NUP93: variants seen among roughly 807,000 people sequenced by gnomAD.
NUP93 encodes nuclear pore complex protein Nup93.
Under a neutral mutation model 107.8 loss-of-function variants are expected in NUP93, and 55 were observed. The ratio of observed to expected loss-of-function variants is 0.51; its 90% CI spans 0.41 to 0.64. The LOEUF is 0.64. Among genes scored for constraint, NUP93 ranks in the 30% least tolerant of loss-of-function variants. NUP93 has a pLI of 0.00. For missense variants in NUP93, 937 were observed against 1,044.7 expected (o/e 0.90, Z 1.42); for synonymous variants, 390 against 397.5 (o/e 0.98, Z 0.22).
intron 19 of NUP93, chr16:56,839,319 C>G: frequency 3.7e-6 from 1 of 273,596 alleles, no homozygotes; most frequent in Non-Finnish European, 6.6e-6. Flanking sequence ...AATTTGCAAT[C>G]TCAGAATTTT....
chr16:56,799,568 C>G (rs1283135267), intron 4 of NUP93, among the ~76,000 whole-genome samples: 3 of 152,148 alleles, frequency 2.0e-5, no homozygotes, highest in Non-Finnish European at 2.9e-5. Flanking sequence ...GCAGCTTTCC[C>G]CAGGAAGGAG....
At chr16:56,810,843 A>G (rs1963300625) in intron 5 of NUP93, among the ~76,000 whole-genome samples, 2 of 152,240 alleles carry the variant, frequency 1.3e-5, no homozygotes, top group Non-Finnish European at 2.9e-5. Flanking sequence ...CACTATCTTG[A>G]CATCCAATAT....
At chr16:56,750,607 A>T (rs1306998527) in intron 2 of NUP93, among the ~76,000 whole-genome samples, 1 of 152,214 alleles carries the variant, frequency 6.6e-6, no homozygotes, top group African/African-American at 2.4e-5. Context: ...TATGCTTAAC[A>T]TATATAAAAA....
chr16:56,825,077 AAGAC>A (rs1963629126), intron 8 of NUP93, among the ~76,000 whole-genome samples: 1 of 150,236 alleles, frequency 6.7e-6, no homozygotes, highest in African/African-American at 2.5e-5. Flanking sequence ...TTTTTTTTGT[AAGAC>A]AGTCTGGCTC....
At chr16:56,812,554 A>G (rs993759339) in intron 5 of NUP93, among the ~76,000 whole-genome samples, 1 of 152,114 alleles carries the variant, frequency 6.6e-6, no homozygotes, top group Non-Finnish European at 1.5e-5. Flanking sequence ...TGTGTTAGCC[A>G]GGATGGTCTG....
intron 1 of NUP93, among the ~76,000 whole-genome samples, chr16:56,746,162 G>A (rs1403554271): frequency 3.3e-5 from 5 of 152,138 alleles, no homozygotes; most frequent in African/African-American, 1.2e-4. Flanking sequence ...AATGGGCGGA[G>A]GGGTGGGGTG....
At chr16:56,832,745 C>CT (rs1176492938) in intron 12 of NUP93, among the ~76,000 whole-genome samples, 1 of 152,086 alleles carries the variant, frequency 6.6e-6, no homozygotes, top group African/African-American at 2.4e-5. Flanking sequence ...AGCCTTTCTT[C>CT]TTTTTTCCCG....
intron 1 of NUP93, among the ~76,000 whole-genome samples, chr16:56,734,520 T>C (rs1597098017): frequency 6.6e-6 from 1 of 151,810 alleles, no homozygotes. Flanking sequence ...CTATTGAAGG[T>C]TTGAGCCCCT....
At chr16:56,772,733 C>T (rs1015622757) in intron 3 of NUP93, among the ~76,000 whole-genome samples, 4 of 152,350 alleles carry the variant, frequency 2.6e-5, no homozygotes, top group African/African-American at 9.6e-5. Flanking sequence ...CCAGTTTGCT[C>T]ATGTTCTGCT....
intron 3 of NUP93, among the ~76,000 whole-genome samples, chr16:56,769,869 C>T (rs1362331237): frequency 6.6e-6 from 1 of 152,126 alleles, no homozygotes; most frequent in Admixed American, 6.5e-5. Context: ...GCCATTAAGC[C>T]CTGGCAGTGT....
chr16:56,805,394 A>G (rs1260605389), intron 4 of NUP93, 110 bp from the exon 5 acceptor site: 3 of 1,160,720 alleles, frequency 2.6e-6, no homozygotes, highest in African/African-American at 1.5e-5. Flanking sequence ...CTTTTTCTCT[A>G]CCTATGGAGA....
Position 56,740,524 on chromosome 16 carries a change from C to G in NUP93, c.-14-7710C>G, listed in dbSNP as rs1436962502. ...AGATGGGATGGCGGCCGGGCGGAGA[C>G]GCTCCTCACTTTCCAGACTGGGCAG... On this transcript the variant is annotated intron_variant, in intron 1 of 21. Transcript: ENST00000308159. 1.7e-4 allele frequency among the ~76,000 whole-genome samples: 25 copies of G among 144,718 alleles called. No individual in the cohort carries two copies. In the East Asian group the frequency reaches 4.7e-3, roughly 27 times the overall value. 94.9% of individuals were successfully genotyped at this position (144,718 alleles called of 152,430 possible).
At chr16:56,805,045 G>A (rs1332918619) in intron 4 of NUP93, among the ~76,000 whole-genome samples, 1 of 151,872 alleles carries the variant, frequency 6.6e-6, no homozygotes, top group East Asian at 1.9e-4. Flanking sequence ...TTGCTCTGTT[G>A]CCCAGGTTGG....
intron 3 of NUP93, among the ~76,000 whole-genome samples, chr16:56,775,061 G>A (rs1348215549): frequency 1.3e-5 from 2 of 151,836 alleles, no homozygotes; most frequent in Non-Finnish European, 2.9e-5. Context: ...CACCATGCCT[G>A]GCTAATTTTT....
At chr16:56,833,944 T>A (rs1255162057) in intron 13 of NUP93, among the ~76,000 whole-genome samples, 184 bp from the exon 14 acceptor site, 4 of 152,208 alleles carry the variant, frequency 2.6e-5, no homozygotes, top group African/African-American at 7.2e-5. Context: ...TTCTCCACTC[T>A]GGGCCTGGGG....
intron 4 of NUP93, among the ~76,000 whole-genome samples, chr16:56,802,196 T>C (rs9929577): frequency 0.41 from 63,061 of 151,980 alleles, 13,301 homozygotes; most frequent in East Asian, 0.62. Context: ...GGCTAGAGGC[T>C]GAGGAGGCAG....
chr16:56,786,625 C>G lies in NUP93; in HGVS notation c.298-11851C>G, dbSNP rs116907029. On this transcript the variant is annotated intron_variant, in intron 3 of 21. Coordinates refer to ENST00000308159, the MANE Select transcript of NUP93 (RefSeq NM_014669.5). Reference sequence around the variant, plus strand: ...GTTGAAGATGATAAGCATTTATAAACAAACATTTAAAAATAAACTCTATCT... The same window carrying G: ...GTTGAAGATGATAAGCATTTATAAAGAAACATTTAAAAATAAACTCTATCT... 1.5e-3 allele frequency among the ~76,000 whole-genome samples: 222 copies of G among 152,336 alleles called. 4 individuals carry two copies. Among genetic ancestry groups the G allele is most frequent in the Admixed American group, 0.011 (165 of 15,300 alleles).
intron 5 of NUP93, among the ~76,000 whole-genome samples, chr16:56,810,195 G>A (rs765964390): frequency 6.6e-6 from 1 of 152,226 alleles, no homozygotes; most frequent in Non-Finnish European, 1.5e-5. Flanking sequence ...GTTTGTAAAT[G>A]TTGGCAAGTG....
In NUP93 at chr16:56,828,991, C is replaced by A. The variant is rs779174822; in HGVS notation, c.809C>A (p.Thr270Asn). ...AYLEQSYKNY[T>N]LVTVFGNLHQ... Reference sequence around the variant, plus strand: ...AATTTTTCCAGTTATAAGAATTACACCCTTGTGACTGTCTTTGGAAATTTG... The same window carrying A: ...AATTTTTCCAGTTATAAGAATTACAACCTTGTGACTGTCTTTGGAAATTTG... The change falls in exon 9 of 22, where the codon ACC becomes AAC. Residue 270 changes from threonine to asparagine, a missense_variant. By Grantham distance (65) the Thr-to-Asn change is moderately conservative. Coordinates refer to ENST00000308159, the MANE Select transcript of NUP93 (RefSeq NM_014669.5). 1.4e-5 allele frequency: 23 copies of A among 1,613,326 alleles called. No homozygotes were observed. The highest frequency in any genetic ancestry group is 1.9e-5 in the Non-Finnish European group (22 of 1,179,800).
Sources: gnomAD v4.1 joint callset for allele counts (sites outside exome capture counted in the v4.1 genomes callset) on GRCh38, gnomAD v4.1.1 for gene constraint, MANE v1.5 for transcripts, NCBI Gene and HGNC (gene_info 2026-07-23, HGNC 2026-07-21) for gene names.